ATXN10: variants seen among roughly 807,000 people sequenced by gnomAD.
ATXN10 encodes ataxin 10.
Under a neutral mutation model 52.9 loss-of-function variants are expected in ATXN10, and 28 were observed. The observed-to-expected ratio is 0.53, with a 90% confidence interval of 0.39 to 0.73. ATXN10 has a LOEUF of 0.73. Among genes scored for constraint, ATXN10 ranks in the 30% least tolerant of loss-of-function variants. The pLI is 0.00. For missense variants in ATXN10, 565 were observed against 577.0 expected (o/e 0.98, Z 0.21); for synonymous variants, 226 against 221.5 (o/e 1.02, Z -0.18).
rs1283809987 is a variant in ATXN10, at chr22:45,805,709, G to A, written c.1174-1250G>A. ...AAGGACTGGGGGGAGGGAAGAATAA[G>A]GAGTGACTGCCAGTGGGTGTGGAGT... On this transcript the variant is annotated intron_variant, in intron 9 of 11. Transcript: ENST00000252934. This position sits in a 1 kb window ranked among gnomAD's most constrained non-coding sequence, Gnocchi z 4.4. Among the ~76,000 whole-genome samples the A allele has an allele frequency of 6.6e-6, 1 of 152,206 alleles. No homozygotes were observed. The highest frequency in any genetic ancestry group is 6.5e-5 in the Admixed American group (1 of 15,284).
In ATXN10 at chr22:45,806,989, C is replaced by G; in HGVS notation, c.1204C>G (p.Leu402Val). Residue 402 changes from leucine (L) to valine (V), a missense_variant, in exon 10 of 12, where the codon CTG (leucine) becomes GTG (valine). Transcript: ENST00000252934. ...VNELDGIPLI[L>V]DNCNISDSNP... ...TGAGCTGGATGGTATCCCGTTGATC[C>G]TGGACAACTGCAACATCAGTGACAG... 1 of 1,613,996 alleles carries G rather than the reference C, an allele frequency of 6.2e-7. No homozygotes were observed. Among genetic ancestry groups the G allele is most frequent in the Non-Finnish European group, 8.5e-7 (1 of 1,179,898 alleles).
chr22:45,759,003 G>A lies in ATXN10; in HGVS notation c.1173+18465G>A, dbSNP rs1926279384. ...AGTTAACAAGATTTAATGTAATTTAGACATTATTCTTACTTAGAAGTACCA... is the reference window on the plus strand; with the variant it reads ...AGTTAACAAGATTTAATGTAATTTAAACATTATTCTTACTTAGAAGTACCA... On this transcript the variant is annotated intron_variant, in intron 9 of 11. Transcript: ENST00000252934. The surrounding 1 kb of genome is among the most constrained non-coding windows in gnomAD (Gnocchi z 5.4). Among the ~76,000 whole-genome samples, 1 of 152,184 alleles carries A rather than the reference G, an allele frequency of 6.6e-6. No homozygotes were observed. The highest frequency in any genetic ancestry group is 1.5e-5 in the Non-Finnish European group (1 of 68,046).
rs136028 is a variant in ATXN10, at chr22:45,840,335, AAGAG to A, written c.1238-2648_1238-2645del. ...TGCAGTGTGATGAGAACTGTTAAAA[AAGAG>A]AGAGAGAATGCATTGGAAACAGACA... is the stretch of plus-strand genomic sequence containing the variant. On this transcript the variant is annotated intron_variant, in intron 10 of 11. Transcript: ENST00000252934. This position sits in a 1 kb window ranked among gnomAD's most constrained non-coding sequence, Gnocchi z 5.8. 0.084 allele frequency among the ~76,000 whole-genome samples: 12,707 copies of A among 152,100 alleles called. 1,668 individuals are homozygous for A. The highest frequency in any genetic ancestry group is 0.28 in the African/African-American group (11,665 of 41,388).
rs549172131 is a variant in ATXN10, at chr22:45,742,186, TA to T, written c.1173+1659del. ...CTGTAGATAATTAATAATTGCCCTCTAAAAAAAAAAATCAACACTCTTTAGA... is the reference window on the plus strand; with the variant it reads ...CTGTAGATAATTAATAATTGCCCTCTAAAAAAAAAATCAACACTCTTTAGA... On this transcript the variant is annotated intron_variant, in intron 9 of 11. Transcript: ENST00000252934. Among the ~76,000 whole-genome samples, 208 of 145,436 alleles carry T rather than the reference TA, an allele frequency of 1.4e-3. 2 individuals carry two copies. Among genetic ancestry groups the T allele is most frequent in the South Asian group, 9.8e-3 (45 of 4,600 alleles).
Position 45,715,211 on chromosome 22 carries a change from AC to A in ATXN10, c.648-3199del, listed in dbSNP as rs778449515. Among the ~76,000 whole-genome samples, 4 of 152,190 alleles carry A rather than the reference AC, an allele frequency of 2.6e-5. No individual in the cohort carries two copies. The highest frequency in any genetic ancestry group is 4.4e-5 in the Non-Finnish European group (3 of 68,038). On this transcript the variant is annotated intron_variant, in intron 5 of 11. Coordinates refer to ENST00000252934, the MANE Select transcript of ATXN10 (RefSeq NM_013236.4). This position sits in a 1 kb window ranked among gnomAD's most constrained non-coding sequence, Gnocchi z 4.4. ...GAAGAAAATTTCCAAAGTGAAGCAGACCCAGTCTGTTGCCCACTGTTTAAAA... is the reference window on the plus strand; with the variant it reads ...GAAGAAAATTTCCAAAGTGAAGCAGACCAGTCTGTTGCCCACTGTTTAAAA...
At chr22:45,791,187 T>C (rs1004534895) in intron 9 of ATXN10, among the ~76,000 whole-genome samples, 1 of 152,256 alleles carries the variant, frequency 6.6e-6, no homozygotes, top group African/African-American at 2.4e-5. Flanking sequence ...TAGTTTGTTT[T>C]TATTCTTTTG....
At chr22:45,717,592 C>T (rs534967905) in intron 5 of ATXN10, among the ~76,000 whole-genome samples, 4 of 152,182 alleles carry the variant, frequency 2.6e-5, no homozygotes, top group Admixed American at 6.5e-5. Context: ...ATTTGGATTT[C>T]GCTTTTATGT....
intron 10 of ATXN10, chr22:45,811,807 C>G (rs766021188): frequency 2.1e-6 from 1 of 470,434 alleles, no homozygotes; most frequent in South Asian, 1.6e-5. Context: ...ATTTTTGATT[C>G]CCCATTCATT....
At chr22:45,693,889 G>A (rs1923481950) in intron 3 of ATXN10, among the ~76,000 whole-genome samples, 1 of 152,106 alleles carries the variant, frequency 6.6e-6, no homozygotes, top group Non-Finnish European at 1.5e-5. Context: ...CTTGATCTTG[G>A]ACCTCCAGCC....
chr22:45,806,421 T>G (rs1397891416), intron 9 of ATXN10, among the ~76,000 whole-genome samples: 1 of 152,246 alleles, frequency 6.6e-6, no homozygotes, highest in East Asian at 1.9e-4. Context: ...TACAAGTTCT[T>G]TATATATTAA....
At chr22:45,767,285 C>A (rs191248137) in intron 9 of ATXN10, among the ~76,000 whole-genome samples, 21 of 152,126 alleles carry the variant, frequency 1.4e-4, no homozygotes, top group East Asian at 1.2e-3. Flanking sequence ...ATATATTCTG[C>A]AGAGTGATCT....
intron 9 of ATXN10, among the ~76,000 whole-genome samples, chr22:45,742,934 A>G (rs1925592823): frequency 6.6e-6 from 1 of 152,250 alleles, no homozygotes; most frequent in Non-Finnish European, 1.5e-5. Context: ...TCTTGAGCAC[A>G]AAAGAGGTGG....
chr22:45,820,195 A>G lies in ATXN10; in HGVS notation c.1237+13173A>G, dbSNP rs959360595. ...TCTGTGAAGGGTTCTTCGAAGGAAA[A>G]TCTCTAATGGGACTTATAAGCAGGC... On this transcript the variant is annotated intron_variant, in intron 10 of 11. Transcript: ENST00000252934. The surrounding 1 kb of genome is among the most constrained non-coding windows in gnomAD (Gnocchi z 4.9). Among the ~76,000 whole-genome samples, 2 of 152,174 alleles carry G rather than the reference A, an allele frequency of 1.3e-5. No homozygotes were observed. Among genetic ancestry groups the G allele is most frequent in the African/African-American group, 2.4e-5 (1 of 41,436 alleles).
chr22:45,768,755 T>C (rs577078703), intron 9 of ATXN10, among the ~76,000 whole-genome samples: 1 of 152,352 alleles, frequency 6.6e-6, no homozygotes, highest in African/African-American at 2.4e-5. Context: ...AGCAAGCAGA[T>C]GCTCTGTGTT....
chr22:45,758,852 A>C (rs1191389635), intron 9 of ATXN10, among the ~76,000 whole-genome samples: 1 of 152,250 alleles, frequency 6.6e-6, no homozygotes, highest in East Asian at 1.9e-4. Flanking sequence ...CAAGAATTCT[A>C]GTGCTGTGTT....
chr22:45,674,866 T>A (rs1922620133), intron 1 of ATXN10: 1 of 152,198 alleles, frequency 6.6e-6, no homozygotes. Flanking sequence ...TCTGAGCTCT[T>A]CCATGCTACA....
At chr22:45,734,830 C>T (rs1478221964) in intron 7 of ATXN10, among the ~76,000 whole-genome samples, 2 of 150,652 alleles carry the variant, frequency 1.3e-5, no homozygotes, top group African/African-American at 2.4e-5. Context: ...GGAAAAGTTA[C>T]TTAGCCTCTC....
chr22:45,727,014 T>A lies in ATXN10; in HGVS notation c.729-2411T>A, dbSNP rs1296976474. Reference sequence around the variant, plus strand: ...TCTGTTTCTCTAGTTCTTTGAGGTATGATGTTAGATTGTCAACTTGTGGTC... The same window carrying A: ...TCTGTTTCTCTAGTTCTTTGAGGTAAGATGTTAGATTGTCAACTTGTGGTC... On this transcript the variant is annotated intron_variant, in intron 6 of 11. Coordinates refer to ENST00000252934, the MANE Select transcript of ATXN10 (RefSeq NM_013236.4). The surrounding 1 kb of genome is among the most constrained non-coding windows in gnomAD (Gnocchi z 4.6). Among the ~76,000 whole-genome samples the A allele has an allele frequency of 6.6e-6, 1 of 151,616 alleles. No individual in the cohort carries two copies. Among genetic ancestry groups the A allele is most frequent in the East Asian group, 1.9e-4 (1 of 5,188 alleles).
chr22:45,839,022 T>TAAGGA (rs1929259930), intron 10 of ATXN10, among the ~76,000 whole-genome samples: 1 of 152,246 alleles, frequency 6.6e-6, no homozygotes, highest in Admixed American at 6.5e-5. Flanking sequence ...GAAGAATGCA[T>TAAGGA]AAGGGTTCTA....
Sources: allele counts gnomAD v4.1 joint callset (sites outside exome capture counted in the v4.1 genomes callset), GRCh38; gene constraint gnomAD v4.1.1; non-coding constraint Gnocchi (gnomAD v3.1); transcripts MANE v1.5; gene names NCBI Gene and HGNC (gene_info 2026-07-23, HGNC 2026-07-21).